Variants in TRPS1 observed in about 807,000 individuals in gnomAD.
TRPS1 encodes zinc finger transcription factor Trps1.
In TRPS1, 6 loss-of-function variants were observed where a neutral mutation model predicts 101.2. The observed-to-expected ratio is 0.06, with a 90% CI of 0.03 to 0.12. The LOEUF (loss-of-function observed/expected upper bound fraction) is 0.12. Ranked by LOEUF, TRPS1 falls within the 10% of genes least tolerant of loss-of-function variation. The pLI, the probability that TRPS1 is intolerant of heterozygous loss-of-function variation, is 1.00. For missense variants in TRPS1, 1,363 were observed against 1,567.0 expected (o/e 0.87, Z 2.20); for synonymous variants, 578 against 589.8 (o/e 0.98, Z 0.29).
chr8:115,647,231 C>T (rs2142333), intron 1 of TRPS1, among the ~76,000 whole-genome samples: 69,409 of 151,776 alleles, frequency 0.46, 17,876 homozygotes, highest in African/African-American at 0.69. Flanking sequence ...TCAGAACAGC[C>T]CTACTAAAAA....
intron 5 of TRPS1, among the ~76,000 whole-genome samples, chr8:115,489,464 AT>A (rs1814968046): frequency 6.6e-6 from 1 of 152,154 alleles, no homozygotes; most frequent in African/African-American, 2.4e-5. Context: ...ATAGCATACC[AT>A]TGTCTGGCAG....
intron 5 of TRPS1, among the ~76,000 whole-genome samples, chr8:115,580,245 A>AAAAAAAT (rs1554591592): frequency 1.0e-4 from 14 of 139,870 alleles, no homozygotes; most frequent in African/African-American, 3.2e-4. Context: ...AAAAAAAAAA[A>AAAAAAAT]ATATATATAT....
intron 3 of TRPS1, among the ~76,000 whole-genome samples, chr8:115,610,300 G>A (rs1818133278): frequency 6.6e-6 from 1 of 152,052 alleles, no homozygotes; most frequent in Non-Finnish European, 1.5e-5. Context: ...CTTGAAAAAA[G>A]TCTGTAAGGG....
At chr8:115,424,023 T>C (rs1336149215) in intron 5 of TRPS1, among the ~76,000 whole-genome samples, 1 of 152,218 alleles carries the variant, frequency 6.6e-6, no homozygotes, top group Non-Finnish European at 1.5e-5. Flanking sequence ...GATATTCATC[T>C]TCAAGATATT....
At chr8:115,507,329 T>C (rs908850522) in intron 5 of TRPS1, among the ~76,000 whole-genome samples, 8 of 152,094 alleles carry the variant, frequency 5.3e-5, no homozygotes, top group African/African-American at 1.9e-4. Context: ...TTAATAACCA[T>C]TCAGGGTCCC....
intron 5 of TRPS1, among the ~76,000 whole-genome samples, chr8:115,565,270 T>C (rs182718477): frequency 6.6e-6 from 1 of 152,230 alleles, no homozygotes; most frequent in East Asian, 1.9e-4. Flanking sequence ...GAAGTGGTTC[T>C]ACAACCCTGT....
At chr8:115,518,307 T>G (rs760967191) in intron 5 of TRPS1, among the ~76,000 whole-genome samples, 1 of 151,856 alleles carries the variant, frequency 6.6e-6, no homozygotes, top group Non-Finnish European at 1.5e-5. Flanking sequence ...ACACTTTTAT[T>G]ATTCCAGGCT....
chr8:115,577,788 G>A (rs1024983274), intron 5 of TRPS1, among the ~76,000 whole-genome samples: 6 of 152,070 alleles, frequency 3.9e-5, no homozygotes, highest in Non-Finnish European at 8.8e-5. Context: ...ATAATTAAAT[G>A]CCATCTTTTA....
intron 1 of TRPS1, among the ~76,000 whole-genome samples, chr8:115,635,753 G>A (rs1025537929): frequency 6.6e-6 from 1 of 152,152 alleles, no homozygotes; most frequent in Non-Finnish European, 1.5e-5. Flanking sequence ...CAGATGAAGA[G>A]AGAATGTGGC....
At chr8:115,419,668 C>T (rs943631736) in intron 5 of TRPS1, among the ~76,000 whole-genome samples, 1 of 152,164 alleles carries the variant, frequency 6.6e-6, no homozygotes, top group Non-Finnish European at 1.5e-5. Context: ...GGAAAGCTTT[C>T]TGCAGACATA....
intron 5 of TRPS1, among the ~76,000 whole-genome samples, chr8:115,485,408 TC>T (rs1814854200): frequency 6.6e-6 from 1 of 152,170 alleles, no homozygotes; most frequent in Admixed American, 6.5e-5. Flanking sequence ...GAACAGAACA[TC>T]CAGTCATGCT....
intron 5 of TRPS1, among the ~76,000 whole-genome samples, chr8:115,539,315 T>A (rs973448933): frequency 2.0e-5 from 3 of 152,212 alleles, no homozygotes; most frequent in African/African-American, 7.2e-5. Context: ...TAATTTCCAA[T>A]GTTATTTTAA....
chr8:115,481,631 A>C (rs1283853392), intron 5 of TRPS1, among the ~76,000 whole-genome samples: 1 of 152,184 alleles, frequency 6.6e-6, no homozygotes, highest in Non-Finnish European at 1.5e-5. Context: ...TGTTTGAAGA[A>C]GCTCCTGTCT....
chr8:115,556,252 A>T (rs1816817707), intron 5 of TRPS1, among the ~76,000 whole-genome samples: 1 of 151,926 alleles, frequency 6.6e-6, no homozygotes, highest in Non-Finnish European at 1.5e-5. Context: ...GAATGACAAA[A>T]CTATTTTTTT....
intron 5 of TRPS1, among the ~76,000 whole-genome samples, chr8:115,575,157 A>T (rs932103511): frequency 6.6e-6 from 1 of 151,832 alleles, no homozygotes; most frequent in South Asian, 2.1e-4. Context: ...TCAGCTATAA[A>T]CATACTAAAA....
intron 5 of TRPS1, among the ~76,000 whole-genome samples, chr8:115,545,080 T>A (rs1429630217): frequency 6.6e-6 from 1 of 152,202 alleles, no homozygotes; most frequent in Non-Finnish European, 1.5e-5. Flanking sequence ...ATTCTCTTTA[T>A]CAAAATTATC....
intron 5 of TRPS1, among the ~76,000 whole-genome samples, chr8:115,574,818 A>G (rs1817279815): frequency 6.6e-6 from 1 of 152,112 alleles, no homozygotes; most frequent in Admixed American, 6.6e-5. Context: ...GAAATCTTTC[A>G]ATTATGAAAG....
intron 5 of TRPS1, among the ~76,000 whole-genome samples, chr8:115,474,322 T>C (rs999782485): frequency 9.2e-5 from 14 of 152,138 alleles, no homozygotes; most frequent in East Asian, 3.9e-4. Context: ...AGTTTTGTTA[T>C]TTAACTTTGT....
At chr8:115,470,983 G>C (rs1306458547) in intron 5 of TRPS1, among the ~76,000 whole-genome samples, 1 of 152,180 alleles carries the variant, frequency 6.6e-6, no homozygotes, top group Non-Finnish European at 1.5e-5. Flanking sequence ...ATAGTGTTCT[G>C]CTTCTGTGAT....
Sources: allele counts gnomAD v4.1 joint callset (sites outside exome capture counted in the v4.1 genomes callset), GRCh38; gene constraint gnomAD v4.1.1; transcripts MANE v1.5; gene names NCBI Gene and HGNC (gene_info 2026-07-23, HGNC 2026-07-21).